PLAGL1: variants seen among roughly 807,000 people sequenced by gnomAD.
PLAGL1 encodes PLAG1 like zinc finger 1.
In PLAGL1, 1 loss-of-function variant was observed where a neutral mutation model predicts 4.6. The observed-to-expected ratio is 0.22, with a 90% confidence interval of 0.08 to 1.03. The LOEUF (loss-of-function observed/expected upper bound fraction) is 1.03, where lower values mean the gene tolerates loss of function less well. Among genes scored for constraint, PLAGL1 ranks in the 50% least tolerant of loss-of-function variants. PLAGL1 has a pLI of 0.58. For synonymous variants in PLAGL1, 240 were observed against 237.8 expected (o/e 1.01, Z -0.08); for missense variants, 464 against 570.4 (o/e 0.81, Z 1.90).
rs1257409214 is a variant in PLAGL1, at chr6:143,968,462, G to T, written c.-472+445C>A. On this transcript the variant is annotated intron_variant, in intron 3 of 7. Coordinates refer to ENST00000674357, the MANE Select transcript of PLAGL1 (RefSeq NM_001317162.2). This position sits in a 1 kb window ranked among gnomAD's most constrained non-coding sequence, Gnocchi z 6.3. ...ATTCTAAATGGTGGACCCTACCTCA[G>T]TTTTTTTTTTCCTAATATTTCTTTA... 1 of 149,420 alleles carries T rather than the reference G, an allele frequency of 6.7e-6. No homozygotes were observed. Among genetic ancestry groups the T allele is most frequent in the Admixed American group, 6.7e-5 (1 of 14,992 alleles). The allele number at this position is 149,420 out of a possible 1,614,324, so 9.3% of individuals were successfully genotyped here.
In PLAGL1 at chr6:143,997,214, G is replaced by C. The variant is rs1292200068; in HGVS notation, c.-584+10876C>G. ...AACTACAACTCTATTGCTAGCAAAA[G>C]TGTACACATATGCATTCAGTTTTGT... is the stretch of plus-strand genomic sequence containing the variant. On this transcript the variant is annotated intron_variant, in intron 1 of 7. Coordinates refer to ENST00000674357, the MANE Select transcript of PLAGL1 (RefSeq NM_001317162.2). This position sits in a 1 kb window ranked among gnomAD's most constrained non-coding sequence, Gnocchi z 4.6. 1.3e-5 allele frequency among the ~76,000 whole-genome samples: 2 copies of C among 152,050 alleles called. No individual in the cohort carries two copies. The highest frequency in any genetic ancestry group is 2.9e-5 in the Non-Finnish European group (2 of 68,030).
rs369373315 is a variant in PLAGL1, at chr6:144,019,699, T to C, written c.-151+44769A>G. On this transcript the variant is annotated intron_variant, in intron 1 of 3. Transcript: ENST00000437412. ...AGCAAAATAAGTAGGCATTCTATAT[T>C]ACTGAATCTAAGTGGGGGGGTAGGG... 7.9e-5 allele frequency among the ~76,000 whole-genome samples: 12 copies of C among 152,058 alleles called. No individual in the cohort carries two copies. The South Asian group carries it at 1.9e-3, about 24-fold the overall frequency.
In PLAGL1 at chr6:143,978,979, A is replaced by G. The variant is rs1462978061; in HGVS notation, c.-544+6156T>C. ...TGAAATTATTTTACTAGGTGCATAA[A>G]CATTTAAGATCATTTATTCTTGATG... On this transcript the variant is annotated intron_variant, in intron 2 of 7. Coordinates refer to ENST00000674357, the MANE Select transcript of PLAGL1 (RefSeq NM_001317162.2). The surrounding 1 kb of genome is among the most constrained non-coding windows in gnomAD (Gnocchi z 4.6). Among the ~76,000 whole-genome samples, 2 of 152,176 alleles carry G rather than the reference A, an allele frequency of 1.3e-5. No individual in the cohort carries two copies. Among genetic ancestry groups the G allele is most frequent in the Non-Finnish European group, 2.9e-5 (2 of 68,000 alleles).
chr6:144,042,958 T>C (rs1278165149), intron 1 of PLAGL1, among the ~76,000 whole-genome samples: 2 of 152,244 alleles, frequency 1.3e-5, no homozygotes, highest in East Asian at 1.9e-4. Context: ...AGTTCACTCA[T>C]GATTTGGCTC....
In PLAGL1 at chr6:144,063,336, GTTC is replaced by G. The variant is rs1049883140; in HGVS notation, c.-151+1129_-151+1131del. ...TTTAAGGTCACATGAGTGGAACCCA[GTTC>G]TTCTCCTTCCTGATGCCTAACTAGG... is the stretch of plus-strand genomic sequence containing the variant. On this transcript the variant is annotated intron_variant, in intron 1 of 3. Transcript: ENST00000437412. This position sits in a 1 kb window ranked among gnomAD's most constrained non-coding sequence, Gnocchi z 5.7. Among the ~76,000 whole-genome samples, 1 of 152,128 alleles carries G rather than the reference GTTC, an allele frequency of 6.6e-6. No homozygotes were observed. Among genetic ancestry groups the G allele is most frequent in the Non-Finnish European group, 1.5e-5 (1 of 68,036 alleles).
In PLAGL1 at chr6:144,048,700, C is replaced by T. The variant is rs1798356963; in HGVS notation, c.-151+15768G>A. On this transcript the variant is annotated intron_variant, in intron 1 of 3. Transcript: ENST00000437412. This position sits in a 1 kb window ranked among gnomAD's most constrained non-coding sequence, Gnocchi z 4.8. Reference sequence around the variant, plus strand: ...AGGCCCATGAAACCATTTCTTCCCACTAGGCCTCCAGGTCTGTTATGGGAG... The same window carrying T: ...AGGCCCATGAAACCATTTCTTCCCATTAGGCCTCCAGGTCTGTTATGGGAG... Among the ~76,000 whole-genome samples the T allele has an allele frequency of 6.6e-6, 1 of 152,218 alleles. No individual in the cohort carries two copies. The highest frequency in any genetic ancestry group is 1.5e-5 in the Non-Finnish European group (1 of 68,036).
intron 1 of PLAGL1, among the ~76,000 whole-genome samples, chr6:144,031,658 G>A (rs554290418): frequency 1.3e-5 from 2 of 152,180 alleles, no homozygotes; most frequent in African/African-American, 2.4e-5. Flanking sequence ...TCAGTTGACT[G>A]TAAGTATTTG....
rs759269789 is a variant in PLAGL1 at position 143,942,403 on chromosome 6, T to A, written c.413A>T (p.His138Leu). The A allele has an allele frequency of 1.2e-6, 2 of 1,614,048 alleles. No individual in the cohort carries two copies. Among genetic ancestry groups the A allele is most frequent in the Admixed American group, 1.7e-5 (1 of 60,006 alleles). ...ELGSTEVLLD[H>L]LKAHAEEKPP... ...CTTCTCTTCCGCATGGGCTTTGAGG[T>A]GGTCCAGTAGCACCTCGGTGCTCCC... The change falls in exon 8 of 8, where the codon CAC becomes CTC. Residue 138 changes from histidine (H) to leucine (L), a missense_variant. Around this residue, in one of 4 missense-constraint regions of PLAGL1, gnomAD observed 161 missense variants for 196.7 expected, o/e 0.82. Transcript: ENST00000674357. This position sits in a 1 kb window ranked among gnomAD's most constrained non-coding sequence, Gnocchi z 7.6.
chr6:144,024,659 G>A (rs1335007706), intron 1 of PLAGL1, among the ~76,000 whole-genome samples: 2 of 152,148 alleles, frequency 1.3e-5, no homozygotes, highest in Non-Finnish European at 2.9e-5. Flanking sequence ...CATGAGAACA[G>A]ACTAATACAC....
intron 1 of PLAGL1, among the ~76,000 whole-genome samples, chr6:144,041,911 T>C (rs1485428534): frequency 6.6e-6 from 1 of 152,224 alleles, no homozygotes; most frequent in Admixed American, 6.5e-5. Context: ...GTGGTTTTGA[T>C]TTGCATTTCT....
intron 1 of PLAGL1, among the ~76,000 whole-genome samples, chr6:144,046,036 G>A (rs1798119626): frequency 6.6e-6 from 1 of 152,088 alleles, no homozygotes; most frequent in South Asian, 2.1e-4. Context: ...GCTCCATCAG[G>A]TCATTTAAGT....
Position 143,953,976 on chromosome 6 carries a change from C to T in PLAGL1, c.-324-5516G>A, listed in dbSNP as rs1232892924. Among the ~76,000 whole-genome samples the T allele has an allele frequency of 6.6e-6, 1 of 152,134 alleles. No homozygotes were observed. Among genetic ancestry groups the T allele is most frequent in the Non-Finnish European group, 1.5e-5 (1 of 68,032 alleles). Reference sequence around the variant, plus strand: ...CCTTCCTTCCCCTAGCACAAGTGCTCGCTATGGAGACTGTATGAAAGTGGG... The same window carrying T: ...CCTTCCTTCCCCTAGCACAAGTGCTTGCTATGGAGACTGTATGAAAGTGGG... On this transcript the variant is annotated intron_variant, in intron 6 of 7. Coordinates refer to ENST00000674357, the MANE Select transcript of PLAGL1 (RefSeq NM_001317162.2). The surrounding 1 kb of genome is among the most constrained non-coding windows in gnomAD (Gnocchi z 5.3).
chr6:144,033,405 T>C (rs747783830), intron 1 of PLAGL1, among the ~76,000 whole-genome samples: 2 of 152,154 alleles, frequency 1.3e-5, no homozygotes, highest in Non-Finnish European at 2.9e-5. Flanking sequence ...GTAACAAATA[T>C]CTAAAAATGT....
At chr6:144,003,421 A>C (rs1793382014) in intron 1 of PLAGL1, among the ~76,000 whole-genome samples, 1 of 152,104 alleles carries the variant, frequency 6.6e-6, no homozygotes, top group African/African-American at 2.4e-5. Flanking sequence ...TCAGGAGATC[A>C]AGACCATCCT....
intron 1 of PLAGL1, among the ~76,000 whole-genome samples, chr6:144,058,576 C>A (rs1799160416): frequency 6.6e-6 from 1 of 152,196 alleles, no homozygotes; most frequent in Non-Finnish European, 1.5e-5. Flanking sequence ...CATGACCTTC[C>A]ATTTTTGGGC....
At chr6:144,010,881 T>C (rs939252835), upstream of PLAGL1, among the ~76,000 whole-genome samples, 5 of 152,080 alleles carry the variant, frequency 3.3e-5, no homozygotes, top group African/African-American at 1.2e-4. The surrounding 1 kb of genome is among the most constrained non-coding windows in gnomAD (Gnocchi z 4.1). Context: ...ATAAATGGTG[T>C]TGGGAAAAAC....
intron 7 of PLAGL1, among the ~76,000 whole-genome samples, chr6:143,943,364 A>G (rs1380805958): frequency 6.6e-6 from 1 of 152,112 alleles, no homozygotes; most frequent in African/African-American, 2.4e-5. Context: ...TATTGTTCCT[A>G]GTTCCTATGT....
chr6:144,053,715 G>C lies in PLAGL1; in HGVS notation c.-151+10753C>G, dbSNP rs1798744459. Among the ~76,000 whole-genome samples, 2 of 152,174 alleles carry C rather than the reference G, an allele frequency of 1.3e-5. No individual in the cohort carries two copies. Among genetic ancestry groups the C allele is most frequent in the Non-Finnish European group, 2.9e-5 (2 of 68,028 alleles). ...GCAAATACATGGAAAATGATCAGCTGTCTTCCTCATCCTCTAGTAACTATG... is the reference window on the plus strand; with the variant it reads ...GCAAATACATGGAAAATGATCAGCTCTCTTCCTCATCCTCTAGTAACTATG... On this transcript the variant is annotated intron_variant, in intron 1 of 3. Coordinates refer to the PLAGL1 transcript ENST00000437412. This position sits in a 1 kb window ranked among gnomAD's most constrained non-coding sequence, Gnocchi z 4.0.
rs962431303 is a variant in PLAGL1, at chr6:143,950,148, C to T, written c.-324-1688G>A. Among the ~76,000 whole-genome samples, 3 of 152,192 alleles carry T rather than the reference C, an allele frequency of 2.0e-5. No homozygotes were observed. Among genetic ancestry groups the T allele is most frequent in the Non-Finnish European group, 4.4e-5 (3 of 68,042 alleles). On this transcript the variant is annotated intron_variant, in intron 6 of 7. Transcript: ENST00000674357. This position sits in a 1 kb window ranked among gnomAD's most constrained non-coding sequence, Gnocchi z 6.3. ...GAAAGCTGACTCGGGCACTTTTGGT[C>T]AGCGCTAATCCAAACCAGGGGACAC...
Sources: gnomAD v4.1 joint callset for allele counts (sites outside exome capture counted in the v4.1 genomes callset) on GRCh38, gnomAD v4.1.1 for gene constraint, gnomAD v4.1.1 regional missense constraint, Gnocchi (gnomAD v3.1) non-coding constraint, MANE v1.5 for transcripts, NCBI Gene and HGNC (gene_info 2026-07-23, HGNC 2026-07-21) for gene names.